Variants in PCCA observed in about 807,000 individuals in gnomAD.
The protein encoded by PCCA is propionyl-CoA carboxylase subunit alpha, also known as propionyl-CoA carboxylase alpha chain, mitochondrial.
Under a neutral mutation model 101.3 loss-of-function variants are expected in PCCA, and 74 were observed. The observed-to-expected ratio is 0.73, with a 90% confidence interval of 0.61 to 0.89. The LOEUF is 0.89. Ranked by LOEUF, PCCA falls within the 40% of genes least tolerant of loss-of-function variation. The probability of loss-of-function intolerance (pLI) is 0.00; values close to 1 mark genes in which losing one functional copy is unlikely to be tolerated. For synonymous variants in PCCA, 294 were observed against 313.6 expected (o/e 0.94, Z 0.66); for missense variants, 891 against 907.0 (o/e 0.98, Z 0.23).
intron 2 of PCCA, among the ~76,000 whole-genome samples, chr13:100,111,121 C>T (rs1434516531): frequency 1.3e-5 from 2 of 151,610 alleles, no homozygotes; most frequent in East Asian, 1.9e-4. Flanking sequence ...AAGCCATTCT[C>T]CTGCCTCAGC....
At chr13:100,480,064 C>G (rs909858961) in intron 21 of PCCA, among the ~76,000 whole-genome samples, 1 of 152,170 alleles carries the variant, frequency 6.6e-6, no homozygotes, top group African/African-American at 2.4e-5. Flanking sequence ...ACTCTTGCTT[C>G]TAATAAATTA....
intron 2 of PCCA, 71 bp from the exon 3 acceptor site, chr13:100,111,770 G>A: frequency 1.1e-6 from 1 of 938,270 alleles, no homozygotes; most frequent in Non-Finnish European, 1.7e-6. Context: ...GGAAAAACTT[G>A]GTGTTTTTTG....
At chr13:100,143,532 A>G (rs1199871877) in intron 4 of PCCA, among the ~76,000 whole-genome samples, 2 of 143,702 alleles carry the variant, frequency 1.4e-5, no homozygotes, top group African/African-American at 5.5e-5. Context: ...GAGACTCTGC[A>G]TCCACAAAAA....
chr13:100,228,912 A>G (rs1011273607), intron 7 of PCCA, among the ~76,000 whole-genome samples: 7 of 151,752 alleles, frequency 4.6e-5, no homozygotes, highest in Non-Finnish European at 1.0e-4. Flanking sequence ...AAAAAAAAAA[A>G]AAAAAGCACA....
intron 4 of PCCA, among the ~76,000 whole-genome samples, chr13:100,115,119 A>G (rs1485748606): frequency 3.3e-5 from 5 of 152,236 alleles, no homozygotes; most frequent in African/African-American, 7.2e-5. Flanking sequence ...GTCATTTGCA[A>G]TAGCATGGAT....
intron 21 of PCCA, among the ~76,000 whole-genome samples, chr13:100,462,488 G>A (rs1317756293): frequency 1.3e-5 from 2 of 152,150 alleles, no homozygotes; most frequent in Admixed American, 6.5e-5. Context: ...TGGTATCAGT[G>A]CTGAGATGGG....
chr13:100,330,580 AT>A lies in PCCA; in HGVS notation c.1451del (p.Leu484TyrfsTer5). The A allele has an allele frequency of 6.2e-7, 1 of 1,606,542 alleles. No individual in the cohort carries two copies. Among genetic ancestry groups the A allele is most frequent in the Non-Finnish European group, 8.5e-7 (1 of 1,173,564 alleles). ...TTTTAGGTGTTACACATAATATTGCATTACTTCGAGAGGTGATAATCAACTC... is the reference window on the plus strand; with the variant it reads ...TTTTAGGTGTTACACATAATATTGCATACTTCGAGAGGTGATAATCAACTC... ...VIRGVTHNIA[L>X]LREVIINSRF... On this transcript the variant is annotated frameshift_variant, in exon 17 of 24. Transcript: ENST00000376285. LOFTEE classifies it high-confidence loss of function.
chr13:100,188,241 C>T (rs1198031425), intron 6 of PCCA, among the ~76,000 whole-genome samples: 4 of 151,860 alleles, frequency 2.6e-5, no homozygotes, highest in East Asian at 1.9e-4. Flanking sequence ...TGCAGTGAGC[C>T]GAGATCGTGC....
intron 21 of PCCA, among the ~76,000 whole-genome samples, chr13:100,466,611 T>G (rs9585440): frequency 0.1 from 15,900 of 152,166 alleles, 1,391 homozygotes; most frequent in African/African-American, 0.24. Context: ...AGGGAAAGAA[T>G]TAGTGGATAG....
chr13:100,138,716 C>T (rs544361209), intron 4 of PCCA, among the ~76,000 whole-genome samples: 8 of 152,034 alleles, frequency 5.3e-5, no homozygotes, highest in Non-Finnish European at 8.8e-5. Context: ...GGGTGGATCA[C>T]GAGGTCAGGA....
At chr13:100,319,707 G>T (rs537010389) in intron 16 of PCCA, among the ~76,000 whole-genome samples, 8 of 152,234 alleles carry the variant, frequency 5.3e-5, no homozygotes, top group African/African-American at 1.9e-4. Flanking sequence ...GTCTGTTTTG[G>T]TACCAGTACC....
chr13:100,309,311 C>T (rs962122301), intron 15 of PCCA, among the ~76,000 whole-genome samples: 4 of 152,188 alleles, frequency 2.6e-5, no homozygotes, highest in Non-Finnish European at 5.9e-5. Flanking sequence ...GCGAGAGGAT[C>T]GCTTGAACCT....
intron 7 of PCCA, among the ~76,000 whole-genome samples, chr13:100,225,211 A>G (rs1000425994): frequency 6.6e-6 from 1 of 152,222 alleles, no homozygotes; most frequent in African/African-American, 2.4e-5. Context: ...TGAGAAAGAT[A>G]GTGGAAGTGG....
intron 18 of PCCA, among the ~76,000 whole-genome samples, chr13:100,353,538 A>C (rs1320303076): frequency 1.2e-4 from 18 of 152,238 alleles, no homozygotes; most frequent in African/African-American, 4.1e-4. Flanking sequence ...ATAGATTTAC[A>C]AAATTACAGA....
At chr13:100,166,602 A>G (rs1225450523) in intron 6 of PCCA, among the ~76,000 whole-genome samples, 1 of 152,098 alleles carries the variant, frequency 6.6e-6, no homozygotes. Flanking sequence ...CCTAGCCTGC[A>G]TTCCTTTTTA....
At chr13:100,490,844 G>A (rs1182626780) in intron 21 of PCCA, 1 of 152,336 alleles carries the variant, frequency 6.6e-6, no homozygotes, top group Admixed American at 6.5e-5. Flanking sequence ...ACACGGTGAA[G>A]AAGTGAGGCA....
At chr13:100,303,946 A>G (rs998896387) in intron 14 of PCCA, among the ~76,000 whole-genome samples, 3 of 152,368 alleles carry the variant, frequency 2.0e-5, no homozygotes, top group African/African-American at 4.8e-5. Flanking sequence ...TCATAGGGAC[A>G]TATCTAAACA....
At chr13:100,248,599 A>G (rs149281269) in intron 8 of PCCA, among the ~76,000 whole-genome samples, 61 of 152,080 alleles carry the variant, frequency 4.0e-4, no homozygotes, top group Admixed American at 3.1e-3. Flanking sequence ...TTTCTTTTTT[A>G]TTGAGATGTC....
intron 6 of PCCA, among the ~76,000 whole-genome samples, chr13:100,159,995 A>G (rs79666603): frequency 6.6e-6 from 1 of 152,134 alleles, no homozygotes; most frequent in Admixed American, 6.5e-5. Context: ...TTTGTGCTTT[A>G]TCTGATACAT....
Sources: gnomAD v4.1 joint callset for allele counts (sites outside exome capture counted in the v4.1 genomes callset) on GRCh38, gnomAD v4.1.1 for gene constraint, MANE v1.5 for transcripts, NCBI Gene and HGNC (gene_info 2026-07-23, HGNC 2026-07-21) for gene names.